The following DMBT1 variants were observed in gnomAD, a reference collection of about 807,000 sequenced individuals.
The protein encoded by DMBT1 is scavenger receptor cysteine-rich domain-containing protein DMBT1.
In DMBT1, 198 loss-of-function variants were observed where a neutral mutation model predicts 252.9. The observed-to-expected ratio is 0.78, with a 90% CI of 0.70 to 0.88. The LOEUF (loss-of-function observed/expected upper bound fraction) is 0.88, where lower values mean the gene tolerates loss of function less well. Ranked by LOEUF, DMBT1 falls within the 40% of genes least tolerant of loss-of-function variation. The pLI, the probability that DMBT1 is intolerant of heterozygous loss-of-function variation, is 0.00. For missense variants in DMBT1, 2,432 were observed against 2,404.7 expected (o/e 1.01, Z -0.24); for synonymous variants, 990 against 942.7 (o/e 1.05, Z -0.92).
chr10:122,627,677 C>G (rs1212090901), intron 46 of DMBT1, among the ~76,000 whole-genome samples: 2 of 152,154 alleles, frequency 1.3e-5, no homozygotes, highest in Non-Finnish European at 2.9e-5. Context: ...ATCCTTGTCT[C>G]TGAAAGTTTG....
In DMBT1 at chr10:122,585,374, A is replaced by T; in HGVS notation, c.1459+65A>T. On this transcript the variant is annotated intron_variant, in intron 15 of 55. Transcript: ENST00000338354. Reference sequence around the variant, plus strand: ...ACCTCTGGACAAATGTTTTTTTCTGAAATGATAGGATGAGGGTCAAGGTGG... The same window carrying T: ...ACCTCTGGACAAATGTTTTTTTCTGTAATGATAGGATGAGGGTCAAGGTGG... 1.0e-5 allele frequency: 16 copies of T among 1,540,492 alleles called. 3 individuals carry two copies. Among genetic ancestry groups the T allele is most frequent in the Admixed American group, 1.7e-5 (1 of 58,946 alleles).
chr10:122,599,247 G>A, intron 26 of DMBT1, 150 bp downstream of exon 26: 8 of 1,455,226 alleles, frequency 5.5e-6, no homozygotes, highest in Non-Finnish European at 7.3e-6. Flanking sequence ...GAATCCCTAT[G>A]TACTCACTGC....
At position 122,586,071 on chromosome 10, in the gene DMBT1, A is replaced by T. The variant is rs2097786799; in HGVS notation, c.1471A>T (p.Ser491Cys). Reference protein sequence around the residue: ...LPASTVGSESSLALRLVNGGD... With the variant: ...LPASTVGSESCLALRLVNGGD... Reference sequence around the variant, plus strand: ...GTTTTCCCCTGTAGGATCTGAATCCAGTTTGGCCCTGAGGCTGGTGAATGG... The same window carrying T: ...GTTTTCCCCTGTAGGATCTGAATCCTGTTTGGCCCTGAGGCTGGTGAATGG... Residue 491 changes from serine (S) to cysteine (C), a missense_variant, in exon 16 of 56, where the codon AGT (serine) becomes TGT (cysteine). Coordinates refer to ENST00000338354, the MANE Select transcript of DMBT1 (RefSeq NM_001377530.1). The T allele has an allele frequency of 1.3e-6, 2 of 1,588,822 alleles. No homozygotes were observed. The highest frequency in any genetic ancestry group is 1.7e-6 in the Non-Finnish European group (2 of 1,166,002).
intron 9 of DMBT1, 95 bp from the exon 10 acceptor site, chr10:122,579,483 C>G (rs2097745880): frequency 2.5e-6 from 4 of 1,592,290 alleles, no homozygotes; most frequent in Non-Finnish European, 3.4e-6. Context: ...GCCTAGGTGA[C>G]TTAGTTCATT....
intron 55 of DMBT1, among the ~76,000 whole-genome samples, chr10:122,641,473 C>T (rs1352254342): frequency 6.6e-6 from 1 of 152,170 alleles, no homozygotes; most frequent in Non-Finnish European, 1.5e-5. Flanking sequence ...AACGTAGCAC[C>T]TCTTTCCAGG....
chr10:122,584,948 G>C (rs1473374453), intron 14 of DMBT1, among the ~76,000 whole-genome samples: 2 of 149,050 alleles, frequency 1.3e-5, no homozygotes, highest in Non-Finnish European at 1.5e-5. Context: ...TAACGTTTTA[G>C]CTCGAGCTAG....
intron 40 of DMBT1, among the ~76,000 whole-genome samples, chr10:122,617,711 G>A (rs1347095698): frequency 6.6e-6 from 1 of 151,664 alleles, no homozygotes; most frequent in Admixed American, 6.6e-5. Flanking sequence ...GCATGGGCCT[G>A]CTCTCTGGAG....
At position 122,560,822 on chromosome 10, in the gene DMBT1, C is replaced by G; in HGVS notation, c.52C>G (p.Leu18Val). ...AATGTGTCTTTTATGGGGACAAGTTCTATCTACAGGTATTACGTTTAATTA... is the reference window on the plus strand; with the variant it reads ...AATGTGTCTTTTATGGGGACAAGTTGTATCTACAGGTATTACGTTTAATTA... ...LEMCLLWGQV[L>V]STGGWIPRTT... Residue 18 changes from leucine to valine, a missense_variant, in exon 1 of 56, where the codon CTA becomes GTA. Around this residue, in one of 3 missense-constraint regions of DMBT1, gnomAD observed 1,264 missense variants for 1,082.2 expected, o/e 1.17. Transcript: ENST00000338354. 1 of 1,569,276 alleles carries G rather than the reference C, an allele frequency of 6.4e-7. No homozygotes were observed. Among genetic ancestry groups the G allele is most frequent in the Non-Finnish European group, 8.7e-7 (1 of 1,154,948 alleles).
intron 8 of DMBT1, among the ~76,000 whole-genome samples, chr10:122,578,366 G>A (rs547737588): frequency 2.0e-5 from 3 of 152,292 alleles, no homozygotes; most frequent in South Asian, 2.1e-4. Flanking sequence ...CCCCCAGGGC[G>A]GACCCCTAGT....
intron 2 of DMBT1, among the ~76,000 whole-genome samples, chr10:122,567,858 T>C (rs929463583): frequency 2.6e-5 from 4 of 152,004 alleles, no homozygotes; most frequent in Non-Finnish European, 5.9e-5. Flanking sequence ...GACTGGAGAG[T>C]GTACTGAAGC....
At chr10:122,630,236 G>A (rs2098150800) in intron 47 of DMBT1, 52 bp from the exon 48 acceptor site, 2 of 1,557,742 alleles carry the variant, frequency 1.3e-6, no homozygotes, top group African/African-American at 1.4e-5. Context: ...TTTATAAAAT[G>A]GAGGGGCAAT....
intron 52 of DMBT1, among the ~76,000 whole-genome samples, 156 bp downstream of exon 52, chr10:122,633,497 T>C (rs1367552548): frequency 6.6e-6 from 1 of 152,220 alleles, no homozygotes; most frequent in Non-Finnish European, 1.5e-5. Flanking sequence ...AGAAGTTTGC[T>C]GAGAGACATT....
At chr10:122,623,394 T>G (rs533274130) in intron 44 of DMBT1, among the ~76,000 whole-genome samples, 1 of 152,350 alleles carries the variant, frequency 6.6e-6, no homozygotes, top group South Asian at 2.1e-4. Context: ...TTTGCACTTG[T>G]GTTTCCAATT....
intron 44 of DMBT1, among the ~76,000 whole-genome samples, chr10:122,621,951 G>T (rs1446548202): frequency 6.6e-6 from 1 of 152,150 alleles, no homozygotes; most frequent in Admixed American, 6.5e-5. Flanking sequence ...GTGTTGGGAG[G>T]GCAGCTCCCA....
At chr10:122,625,401 G>A (rs1050902926) in intron 45 of DMBT1, 98 bp downstream of exon 45, 30 of 1,186,020 alleles carry the variant, frequency 2.5e-5, no homozygotes, top group Non-Finnish European at 3.6e-5. Flanking sequence ...TCCCCCTGGG[G>A]GGGTAATTTC....
rs759098102 is a variant in DMBT1 at position 122,633,263 on chromosome 10, A to G, written c.6470A>G (p.Tyr2157Cys). The G allele has an allele frequency of 4.3e-6, 7 of 1,614,022 alleles. No individual in the cohort carries two copies. Among genetic ancestry groups the G allele is most frequent in the Non-Finnish European group, 5.1e-6 (6 of 1,179,906 alleles). The part of the protein sequence containing the change: ...DFSSPFYPGN[Y>C]PNNAKCVWDI... ...TCCAGCCCATTCTATCCCGGGAACT[A>G]TCCAAACAATGCCAAGTGTGTGTGG... The change falls in exon 52 of 56, where the codon TAT becomes TGT. Residue 2157 changes from tyrosine (Y) to cysteine (C), a missense_variant. Physicochemically the swap from Tyr to Cys is radical, Grantham distance 194 (BLOSUM62 -2). Around this residue, in one of 3 missense-constraint regions of DMBT1, gnomAD observed 1,162 missense variants for 1,169.0 expected, o/e 0.99. Transcript: ENST00000338354.
At chr10:122,570,072 C>T in intron 2 of DMBT1, 90 bp from the exon 3 acceptor site, 1 of 1,223,194 alleles carries the variant, frequency 8.2e-7, no homozygotes, top group Non-Finnish European at 1.2e-6. Context: ...CCCTGGCTTC[C>T]AGTTCTTGCT....
chr10:122,634,407 T>C (rs1261822523), intron 52 of DMBT1, among the ~76,000 whole-genome samples: 1 of 138,788 alleles, frequency 7.2e-6, no homozygotes, highest in African/African-American at 2.8e-5. Context: ...TTTCTTTTCT[T>C]TCTTTCTCTC....
At chr10:122,598,144 A>C in intron 25 of DMBT1, 132 bp downstream of exon 25, 3 of 1,371,244 alleles carry the variant, frequency 2.2e-6, no homozygotes, top group Middle Eastern at 1.9e-4. Flanking sequence ...CATGGGAGGA[A>C]GGTAGCGTCT....
Sources: allele counts gnomAD v4.1 joint callset (sites outside exome capture counted in the v4.1 genomes callset), GRCh38; gene constraint gnomAD v4.1.1; regional missense constraint gnomAD v4.1.1; transcripts MANE v1.5; gene names NCBI Gene and HGNC (gene_info 2026-07-23, HGNC 2026-07-21).